SYT16: variants seen among roughly 807,000 people sequenced by gnomAD.
SYT16 encodes synaptotagmin 16, also known as synaptotagmin-16.
In SYT16, 42 loss-of-function variants were observed where a neutral mutation model predicts 61.4. That is an observed-to-expected ratio of 0.68 (90% CI 0.53 to 0.89). The LOEUF is 0.89. Ranked by LOEUF, SYT16 falls within the 40% of genes least tolerant of loss-of-function variation. The pLI is 0.00. For missense variants in SYT16, 804 were observed against 807.3 expected, an observed-to-expected ratio of 1.00 and a Z score of 0.05; for synonymous variants, 314 against 302.3, an observed-to-expected ratio of 1.04 and a Z score of -0.40.
chr14:61,834,428 C>CTTTTTTT lies in SYT16; in HGVS notation c.-325+21636_-325+21642dup, dbSNP rs35260303. On this transcript the variant is annotated intron_variant, in intron 1 of 7. Coordinates refer to ENST00000683842, the MANE Select transcript of SYT16 (RefSeq NM_001367656.1). ...TACAGGCATGAGCCACCGTGCCTGG[C>CTTTTTTT]TTTTTTTTTTTTTTTTTTTTTTTTG... Among the ~76,000 whole-genome samples the CTTTTTTT allele has an allele frequency of 4.4e-4, 34 of 76,868 alleles. 2 individuals are homozygous for CTTTTTTT. The highest frequency in any genetic ancestry group is 1.9e-3 in the African/African-American group (29 of 15,320). 50.4% of individuals were successfully genotyped at this position (76,868 alleles called of 152,430 possible).
intron 1 of SYT16, among the ~76,000 whole-genome samples, chr14:61,862,663 T>C (rs1172038109): frequency 3.3e-5 from 5 of 152,198 alleles, no homozygotes; most frequent in Non-Finnish European, 7.4e-5. Flanking sequence ...GGTTCACTCT[T>C]GGTGTTGTAC....
At chr14:61,838,139 G>C (rs1004233011) in intron 1 of SYT16, among the ~76,000 whole-genome samples, 1 of 152,188 alleles carries the variant, frequency 6.6e-6, no homozygotes, top group African/African-American at 2.4e-5. Flanking sequence ...GCATTATGTA[G>C]TAGACATTAA....
At chr14:61,986,267 T>A (rs2052306921) in intron 2 of SYT16, among the ~76,000 whole-genome samples, 1 of 151,928 alleles carries the variant, frequency 6.6e-6, no homozygotes, top group Non-Finnish European at 1.5e-5. Context: ...AATACAGAAG[T>A]AAGCTTTAGC....
intron 1 of SYT16, among the ~76,000 whole-genome samples, chr14:61,816,739 C>T (rs1409468357): frequency 2.6e-5 from 4 of 151,976 alleles, no homozygotes; most frequent in Non-Finnish European, 5.9e-5. Flanking sequence ...TGGCCGGGCG[C>T]GGTGGCTCAC....
At chr14:61,982,744 A>T (rs751527439) in intron 2 of SYT16, among the ~76,000 whole-genome samples, 3 of 152,194 alleles carry the variant, frequency 2.0e-5, no homozygotes, top group Non-Finnish European at 4.4e-5. Context: ...TTTTTGACGT[A>T]GTGGAGATAA....
intron 3 of SYT16, among the ~76,000 whole-genome samples, chr14:62,046,435 T>C: frequency 6.6e-6 from 1 of 152,142 alleles, no homozygotes; most frequent in Non-Finnish European, 1.5e-5. Context: ...TTTCTTTTGC[T>C]GTGCAGAAGC....
intron 1 of SYT16, among the ~76,000 whole-genome samples, chr14:61,908,759 A>G (rs2048816458): frequency 6.6e-6 from 1 of 152,190 alleles, no homozygotes; most frequent in Non-Finnish European, 1.5e-5. Flanking sequence ...AACGCAAGCT[A>G]GCTTCTACAT....
At chr14:62,039,882 C>T (rs2054658033) in intron 3 of SYT16, among the ~76,000 whole-genome samples, 1 of 148,342 alleles carries the variant, frequency 6.7e-6, no homozygotes, top group African/African-American at 2.5e-5. Context: ...CACACACGCA[C>T]ATACACACTA....
Position 61,915,042 on chromosome 14 carries a change from A to G in SYT16, c.-324-55090A>G, listed in dbSNP as rs142216423. ...CACATAGTCTAGAACAATTGCCCCT[A>G]TCACTCTCCATGCCTCAACCCACTT... On this transcript the variant is annotated intron_variant, in intron 1 of 7. Transcript: ENST00000683842. Among the ~76,000 whole-genome samples, 285 of 152,176 alleles carry G rather than the reference A, an allele frequency of 1.9e-3. 1 individual carries two copies. Among genetic ancestry groups the G allele is most frequent in the African/African-American group, 6.6e-3 (275 of 41,506 alleles).
chr14:62,077,036 C>T (rs1016056805), intron 5 of SYT16, among the ~76,000 whole-genome samples: 25 of 152,206 alleles, frequency 1.6e-4, no homozygotes, highest in Admixed American at 6.5e-5. Flanking sequence ...AAATCCAACT[C>T]GGAGGCAGTT....
chr14:61,827,345 C>A (rs1015327533), intron 1 of SYT16, among the ~76,000 whole-genome samples: 1 of 152,066 alleles, frequency 6.6e-6, no homozygotes, highest in Non-Finnish European at 1.5e-5. Context: ...TGTGTAGGTG[C>A]CTTGCAGAGT....
intron 1 of SYT16, chr14:61,865,385 T>G (rs1327900847): frequency 3.2e-6 from 2 of 625,112 alleles, no homozygotes; most frequent in African/African-American, 3.6e-5. Flanking sequence ...GCTGCTCTCC[T>G]CATTTATGTG....
At chr14:62,024,665 C>A (rs76545742) in intron 3 of SYT16, among the ~76,000 whole-genome samples, 1 of 151,900 alleles carries the variant, frequency 6.6e-6, no homozygotes, top group Non-Finnish European at 1.5e-5. Flanking sequence ...TTTATATTAG[C>A]CTGCACTCTT....
chr14:62,071,397 C>G (rs146781983), intron 4 of SYT16, among the ~76,000 whole-genome samples: 1 of 152,282 alleles, frequency 6.6e-6, no homozygotes, highest in East Asian at 1.9e-4. Context: ...TAACCCTTAT[C>G]CTTCCTGGAA....
At chr14:62,003,960 A>G (rs1850444859) in intron 3 of SYT16, among the ~76,000 whole-genome samples, 1 of 152,158 alleles carries the variant, frequency 6.6e-6, no homozygotes, top group Non-Finnish European at 1.5e-5. Context: ...GTGAATGCTG[A>G]CATGTGAACA....
rs750038912 is a variant in SYT16 at position 62,081,268 on chromosome 14, T to C, written c.1428T>C (p.Asn476=). Residue 476 remains asparagine, a synonymous_variant, in exon 6 of 8, where the codon AAT becomes AAC. Transcript: ENST00000683842. The part of the protein sequence containing the change: ...KVTLVLEPRS[N]ISSGGSPLSP... ...CTCTGGTTCTGGAGCCAAGAAGTAA[T>C]ATAAGCGTGAGTATGTTAAATGGTG... 7.4e-6 allele frequency: 12 copies of C among 1,613,030 alleles called. No homozygotes were observed. The South Asian group carries it at 1.1e-4, about 15-fold the overall frequency.
chr14:61,938,802 C>G (rs2050092007), intron 1 of SYT16, among the ~76,000 whole-genome samples: 1 of 152,134 alleles, frequency 6.6e-6, no homozygotes, highest in Non-Finnish European at 1.5e-5. Context: ...GAAACAGACT[C>G]TAAAGGGATT....
At chr14:61,969,473 A>G (rs1302682435) in intron 1 of SYT16, among the ~76,000 whole-genome samples, 1 of 152,174 alleles carries the variant, frequency 6.6e-6, no homozygotes, top group Non-Finnish European at 1.5e-5. Flanking sequence ...GATACTGATG[A>G]GGAGGAGGAG....
At chr14:61,985,967 C>T (rs1430426108) in intron 2 of SYT16, among the ~76,000 whole-genome samples, 1 of 152,148 alleles carries the variant, frequency 6.6e-6, no homozygotes, top group Admixed American at 6.6e-5. Context: ...CAAGATCCTG[C>T]TTTAGAATGT....
Sources: allele counts gnomAD v4.1 joint callset (sites outside exome capture counted in the v4.1 genomes callset), GRCh38; gene constraint gnomAD v4.1.1; transcripts MANE v1.5; gene names NCBI Gene and HGNC (gene_info 2026-07-23, HGNC 2026-07-21).